The following MARK3 variants were observed in gnomAD, a reference collection of about 807,000 sequenced individuals.
MARK3 encodes microtubule affinity regulating kinase 3.
A neutral mutation model predicts 90.1 loss-of-function variants in MARK3; 46 were observed. The ratio of observed to expected loss-of-function variants is 0.51; its 90% CI spans 0.40 to 0.65. MARK3 has a LOEUF of 0.65. Ranked by LOEUF, MARK3 falls within the 30% of genes least tolerant of loss-of-function variation. The pLI, the probability that MARK3 is intolerant of heterozygous loss-of-function variation, is 0.00. For missense variants in MARK3, 818 were observed against 947.2 expected, an observed-to-expected ratio of 0.86 and a Z score of 1.79; for synonymous variants, 321 against 332.6, an observed-to-expected ratio of 0.97 and a Z score of 0.38.
intron 2 of MARK3, chr14:103,417,586 T>C (rs2092002194): frequency 6.6e-6 from 1 of 152,210 alleles, no homozygotes; most frequent in African/African-American, 2.4e-5. Flanking sequence ...ATTGGACCCT[T>C]TTAATATAGA....
intron 3 of MARK3, among the ~76,000 whole-genome samples, chr14:103,432,837 C>A (rs1462927568): frequency 6.6e-6 from 1 of 152,024 alleles, no homozygotes; most frequent in African/African-American, 2.4e-5. Context: ...GCCTGGGCAA[C>A]AGAGCAAGAC....
In MARK3 at chr14:103,480,389, T is replaced by C. The variant is rs1393619881; in HGVS notation, c.1485T>C (p.Ser495=). Reference sequence around the variant, plus strand: ...GACAAAAATGCCCTTTTTTATAGAGTAACACAGCATCTGGTGGAATGACAC... The same window carrying C: ...GACAAAAATGCCCTTTTTTATAGAGCAACACAGCATCTGGTGGAATGACAC... The part of the protein sequence containing the change: ...ERKKSSTVPS[S]NTASGGMTRR... Residue 495 remains serine (S), a splice_region_variant and synonymous_variant, in exon 14 of 18, where the codon AGT becomes AGC. Coordinates refer to ENST00000429436, the MANE Select transcript of MARK3 (RefSeq NM_001128918.3). The C allele has an allele frequency of 5.0e-6, 8 of 1,605,000 alleles. No individual in the cohort carries two copies. The highest frequency in any genetic ancestry group is 6.8e-6 in the Non-Finnish European group (8 of 1,172,390).
chr14:103,481,753 A>ATTTTTTTT (rs1555400573), intron 14 of MARK3, among the ~76,000 whole-genome samples: 28 of 50,934 alleles, frequency 5.5e-4, no homozygotes, highest in Non-Finnish European at 1.0e-3. Flanking sequence ...TGATATAGGT[A>ATTTTTTTT]TTTCTTTTTT....
At chr14:103,488,440 T>G (rs1422180135) in intron 14 of MARK3, among the ~76,000 whole-genome samples, 1 of 152,200 alleles carries the variant, frequency 6.6e-6, no homozygotes, top group Non-Finnish European at 1.5e-5. Flanking sequence ...AAAGAATGGA[T>G]ACTGAGTGGC....
In MARK3 at chr14:103,491,676, T is replaced by A. The variant is rs559635371; in HGVS notation, c.1587-101T>A. On this transcript the variant is annotated intron_variant, in intron 14 of 17. Transcript: ENST00000429436. ...CTATAAAATACCCCTTGGATCTGGA[T>A]TTTTTATACCCGATTTTCTCCACTG... The A allele has an allele frequency of 6.0e-5, 81 of 1,355,158 alleles. 2 individuals carry two copies. In the South Asian group the frequency reaches 1.0e-3, roughly 17 times the overall value. 83.9% of individuals were successfully genotyped at this position (1,355,158 alleles called of 1,614,324 possible). A position where few individuals can be genotyped will look rare whatever the true frequency, so the allele number is the denominator to read the frequency against.
chr14:103,460,599 T>C (rs1373123276), intron 6 of MARK3, among the ~76,000 whole-genome samples: 6 of 152,210 alleles, frequency 3.9e-5, no homozygotes, highest in African/African-American at 1.4e-4. Flanking sequence ...CAGGTTAGCT[T>C]TGAGCTGTTT....
intron 17 of MARK3, 97 bp downstream of exon 17, chr14:103,500,297 T>TACAGAGACAGCAGGAATACA: frequency 2.2e-6 from 2 of 915,522 alleles, no homozygotes; most frequent in Non-Finnish European, 3.3e-6. Context: ...ACTGTATTCC[T>TACAGAGACAGCAGGAATACA]GCTGTCTCTG....
intron 1 of MARK3, among the ~76,000 whole-genome samples, chr14:103,398,425 C>G (rs970049103): frequency 1.3e-5 from 2 of 152,184 alleles, no homozygotes; most frequent in African/African-American, 2.4e-5. Context: ...TTTTTAGAAT[C>G]TCTTTATACA....
At chr14:103,429,700 A>G (rs1046542286) in intron 3 of MARK3, among the ~76,000 whole-genome samples, 4 of 152,190 alleles carry the variant, frequency 2.6e-5, no homozygotes, top group African/African-American at 9.7e-5. Context: ...AATTTTATCT[A>G]TTTCCTTAAA....
intron 3 of MARK3, among the ~76,000 whole-genome samples, chr14:103,442,548 G>A (rs922848038): frequency 2.6e-5 from 4 of 152,098 alleles, no homozygotes; most frequent in Admixed American, 2.6e-4. Context: ...GAATAAGCCA[G>A]ACTAACATCT....
chr14:103,390,319 G>GC (rs1471107897), intron 1 of MARK3, among the ~76,000 whole-genome samples: 1 of 152,236 alleles, frequency 6.6e-6, no homozygotes, highest in Non-Finnish European at 1.5e-5. Flanking sequence ...CAGTGAGGTT[G>GC]CTGAGACTCA....
At chr14:103,427,522 A>G (rs1319698706) in intron 2 of MARK3, among the ~76,000 whole-genome samples, 1 of 151,738 alleles carries the variant, frequency 6.6e-6, no homozygotes, top group East Asian at 1.9e-4. Flanking sequence ...AAGAAACAAA[A>G]GAATGGCTGC....
At position 103,405,032 on chromosome 14, in the gene MARK3, C is replaced by G. The variant is rs748896019; in HGVS notation, c.52-44C>G. On this transcript the variant is annotated intron_variant, in intron 1 of 17. Coordinates refer to ENST00000429436, the MANE Select transcript of MARK3 (RefSeq NM_001128918.3). ...AAGCTCTTAGAACTTGGCAAGTACTCTGTGTTCTCTCATTTCCTTATCTTT... is the reference window on the plus strand; with the variant it reads ...AAGCTCTTAGAACTTGGCAAGTACTGTGTGTTCTCTCATTTCCTTATCTTT... 2.6e-6 allele frequency: 4 copies of G among 1,524,252 alleles called. No individual in the cohort carries two copies. In the South Asian group the frequency reaches 4.8e-5, roughly 18 times the overall value. The allele number at this position is 1,524,252 out of a possible 1,614,324, so 94.4% of individuals were successfully genotyped here. A position where few individuals can be genotyped will look rare whatever the true frequency, so the allele number is the denominator to read the frequency against.
Position 103,503,096 on chromosome 14 carries a change from G to T in MARK3, c.2131G>T (p.Val711Leu), listed in dbSNP as rs748756539. The T allele has an allele frequency of 1.2e-6, 2 of 1,614,204 alleles. No individual in the cohort carries two copies. The highest frequency in any genetic ancestry group is 2.2e-5 in the South Asian group (2 of 91,088). ...VHGDGHAENL[V>L]QWEMEVCKLP... ...CGGAGATGGGCACGCGGAGAACCTC[G>T]TGCAGTGGGAAATGGAAGTGTGCAA... The change falls in exon 18 of 18, where the codon GTG (valine) becomes TTG (leucine). Residue 711 changes from valine to leucine, a missense_variant. Val to Leu is a conservative substitution (Grantham distance 32). Coordinates refer to ENST00000429436, the MANE Select transcript of MARK3 (RefSeq NM_001128918.3).
At chr14:103,448,895 T>A in intron 3 of MARK3, 24 bp from the exon 4 acceptor site, 1 of 1,542,544 alleles carries the variant, frequency 6.5e-7, no homozygotes, top group Non-Finnish European at 8.8e-7. Flanking sequence ...GGGGATTATG[T>A]GTTTTGTTTG....
At chr14:103,484,815 G>A (rs925266334) in intron 14 of MARK3, among the ~76,000 whole-genome samples, 1 of 151,828 alleles carries the variant, frequency 6.6e-6, no homozygotes, top group Non-Finnish European at 1.5e-5. Context: ...CAGCTACTTG[G>A]GAAGCTGAGG....
At chr14:103,452,797 A>G (rs1324204205) in intron 5 of MARK3, among the ~76,000 whole-genome samples, 3 of 152,258 alleles carry the variant, frequency 2.0e-5, no homozygotes, top group African/African-American at 7.2e-5. Context: ...TGTCTGGCTG[A>G]TTGATGCAGC....
rs1595794997 is a variant in MARK3, at chr14:103,462,768, C to A, written c.540+307C>A. Among the ~76,000 whole-genome samples, 4 of 152,236 alleles carry A rather than the reference C, an allele frequency of 2.6e-5. No individual in the cohort carries two copies. The South Asian group carries it at 8.3e-4, about 32-fold the overall frequency. ...ACGCCCACAGCATCCTCAGTGCCAC[C>A]CGGCATTCATTTCTGCTGCTTTCAT... is the stretch of plus-strand genomic sequence containing the variant. On this transcript the variant is annotated intron_variant, in intron 7 of 17. Transcript: ENST00000429436.
intron 1 of MARK3, among the ~76,000 whole-genome samples, chr14:103,397,048 GTATTAAA>G (rs1566763915): frequency 1.3e-5 from 2 of 152,032 alleles, no homozygotes; most frequent in Non-Finnish European, 2.9e-5. Context: ...TTAATTTAAC[GTATTAAA>G]TATGTTTCTT....
Sources: gnomAD v4.1 joint callset for allele counts (sites outside exome capture counted in the v4.1 genomes callset) on GRCh38, gnomAD v4.1.1 for gene constraint, MANE v1.5 for transcripts, NCBI Gene and HGNC (gene_info 2026-07-23, HGNC 2026-07-21) for gene names.